Variants in INPP4B observed in about 807,000 individuals in gnomAD.
INPP4B encodes inositol polyphosphate 4-phosphatase type II.
INPP4B carries 55 observed loss-of-function variants against 122.5 expected under a neutral mutation model. That is an observed-to-expected ratio of 0.45 (90% CI 0.36 to 0.56). The LOEUF (loss-of-function observed/expected upper bound fraction) is 0.56, where lower values mean the gene tolerates loss of function less well. INPP4B is among the 20% of genes least tolerant of loss of function. The pLI, the probability that INPP4B is intolerant of heterozygous loss-of-function variation, is 0.00. For synonymous variants in INPP4B, 403 were observed against 388.7 expected, an observed-to-expected ratio of 1.04 and a Z score of -0.43; for missense variants, 1,000 against 1,097.7, an observed-to-expected ratio of 0.91 and a Z score of 1.26.
chr4:142,494,742 C>A (rs185251684), intron 2 of INPP4B, among the ~76,000 whole-genome samples: 1 of 152,032 alleles, frequency 6.6e-6, no homozygotes, highest in African/African-American at 2.4e-5. Context: ...TTTTCTTCAT[C>A]TTTTAAAAAT....
At chr4:142,146,025 T>A (rs1318607270) in intron 17 of INPP4B, 29 bp from the exon 18 acceptor site, 1 of 1,586,294 alleles carries the variant, frequency 6.3e-7, no homozygotes, top group Non-Finnish European at 8.6e-7. Flanking sequence ...TCACTACATA[T>A]TTTTGTCACA....
chr4:142,819,335 T>C (rs559065597), intron 1 of INPP4B, among the ~76,000 whole-genome samples: 5 of 152,228 alleles, frequency 3.3e-5, no homozygotes, highest in South Asian at 4.1e-4. Flanking sequence ...AGAAGTTTCA[T>C]CCATTTCCAA....
chr4:142,380,702 CCTT>C (rs1397287259), intron 7 of INPP4B, among the ~76,000 whole-genome samples: 1 of 152,084 alleles, frequency 6.6e-6, no homozygotes, highest in Admixed American at 6.6e-5. Context: ...ATCTACTTCT[CCTT>C]ATTTCATCTA....
intron 7 of INPP4B, among the ~76,000 whole-genome samples, chr4:142,381,373 A>G (rs1375373546): frequency 6.6e-6 from 1 of 151,994 alleles, no homozygotes; most frequent in East Asian, 1.9e-4. Flanking sequence ...TTTTTATTTT[A>G]CTGATTTGGA....
At chr4:142,576,498 TA>T (rs1305859598) in intron 2 of INPP4B, among the ~76,000 whole-genome samples, 7 of 151,594 alleles carry the variant, frequency 4.6e-5, no homozygotes, top group Admixed American at 6.6e-5. Flanking sequence ...AAATAATATA[TA>T]AAAAAATATA....
chr4:142,489,185 T>C (rs1821556564), intron 2 of INPP4B, among the ~76,000 whole-genome samples: 1 of 152,190 alleles, frequency 6.6e-6, no homozygotes, highest in African/African-American at 2.4e-5. Context: ...TAATTTTTCC[T>C]AGTTTAAATC....
At position 142,235,633 on chromosome 4, in the gene INPP4B, G is replaced by A. The variant is rs1024367245; in HGVS notation, c.836+2231C>T. Among the ~76,000 whole-genome samples the A allele has an allele frequency of 4.6e-5, 7 of 152,202 alleles. 2 individuals are homozygous for A. The highest frequency in any genetic ancestry group is 4.6e-4 in the Admixed American group (7 of 15,292). On this transcript the variant is annotated intron_variant, in intron 12 of 25. Coordinates refer to ENST00000262992, the MANE Select transcript of INPP4B (RefSeq NM_001101669.3). ...GTAGAGATGAAGTTTCACTGTATTA[G>A]CCAGGATGGTCTCGATCTCCTGACC...
chr4:142,099,362 G>A (rs1036400564), intron 23 of INPP4B, among the ~76,000 whole-genome samples: 12 of 151,982 alleles, frequency 7.9e-5, no homozygotes, highest in East Asian at 3.9e-4. Flanking sequence ...CAGCCATCTC[G>A]ATGTTTCCAA....
intron 25 of INPP4B, among the ~76,000 whole-genome samples, chr4:142,058,656 G>A (rs780914123): frequency 2.0e-5 from 3 of 151,968 alleles, no homozygotes; most frequent in Non-Finnish European, 4.4e-5. Flanking sequence ...AAACAAAATA[G>A]GAAACTAAAA....
intron 2 of INPP4B, among the ~76,000 whole-genome samples, chr4:142,561,398 G>C (rs1730438186): frequency 6.9e-6 from 1 of 144,496 alleles, no homozygotes; most frequent in African/African-American, 2.6e-5. Context: ...ACTTGTTAAA[G>C]TTTCTTTGTT....
intron 2 of INPP4B, among the ~76,000 whole-genome samples, chr4:142,697,713 G>T (rs774524523): frequency 5.9e-5 from 9 of 152,172 alleles, no homozygotes; most frequent in Non-Finnish European, 1.3e-4. Context: ...TGCAGCCATG[G>T]AAATTTCCCA....
intron 12 of INPP4B, among the ~76,000 whole-genome samples, chr4:142,229,516 G>T (rs1051260478): frequency 2.6e-5 from 4 of 152,120 alleles, no homozygotes; most frequent in South Asian, 2.1e-4. Flanking sequence ...CCGGTGAATG[G>T]TGTATAAGAA....
intron 2 of INPP4B, among the ~76,000 whole-genome samples, chr4:142,496,351 G>T (rs939513728): frequency 1.3e-5 from 2 of 151,982 alleles, no homozygotes; most frequent in Non-Finnish European, 2.9e-5. Flanking sequence ...TCACATTGTG[G>T]CTATGAGGAA....
intron 18 of INPP4B, among the ~76,000 whole-genome samples, chr4:142,136,036 A>G (rs554647295): frequency 1.3e-5 from 2 of 152,242 alleles, no homozygotes; most frequent in South Asian, 2.1e-4. Flanking sequence ...TGACCTTGTG[A>G]TCCACCTACC....
In INPP4B at chr4:142,529,000, T is replaced by C. The variant is rs531422334; in HGVS notation, c.-190-66274A>G. 6.6e-5 allele frequency among the ~76,000 whole-genome samples: 10 copies of C among 152,216 alleles called. No homozygotes were observed. In the South Asian group the frequency reaches 2.1e-3, roughly 32 times the overall value. On this transcript the variant is annotated intron_variant, in intron 2 of 25. Transcript: ENST00000262992. ...ACTGGCAGCAGTGTCTAAACAATTT[T>C]TCAAAAGAAAAATTTTTTCTAAGGA...
chr4:142,128,362 CACACACACACACACACAT>C (rs763009463), intron 18 of INPP4B, among the ~76,000 whole-genome samples: 4,374 of 148,650 alleles, frequency 0.029, 77 homozygotes, highest in Middle Eastern at 0.046. Context: ...CACACACACA[CACACACACACACACACAT>C]ACACACACAT....
intron 2 of INPP4B, among the ~76,000 whole-genome samples, chr4:142,630,529 G>A (rs1017277089): frequency 6.6e-6 from 1 of 151,980 alleles, no homozygotes; most frequent in Non-Finnish European, 1.5e-5. Flanking sequence ...TGACAGGCTG[G>A]TTAATACAAA....
intron 3 of INPP4B, among the ~76,000 whole-genome samples, chr4:142,459,550 A>G (rs766714916): frequency 6.6e-5 from 10 of 152,220 alleles, no homozygotes; most frequent in Non-Finnish European, 1.5e-4. Flanking sequence ...TGGAATATAC[A>G]CAAATAATAG....
intron 2 of INPP4B, among the ~76,000 whole-genome samples, chr4:142,718,334 T>A (rs958449128): frequency 2.0e-5 from 3 of 152,180 alleles, no homozygotes; most frequent in African/African-American, 7.2e-5. Context: ...GTTAAAACAG[T>A]TTGTTTAAAA....
Sources: gnomAD v4.1 joint callset for allele counts (sites outside exome capture counted in the v4.1 genomes callset) on GRCh38, gnomAD v4.1.1 for gene constraint, MANE v1.5 for transcripts, NCBI Gene and HGNC (gene_info 2026-07-23, HGNC 2026-07-21) for gene names.